Variants in SPTBN1 observed in about 807,000 individuals in gnomAD.
SPTBN1 encodes the protein spectrin beta chain, non-erythrocytic 1.
Under a neutral mutation model 266.4 loss-of-function variants are expected in SPTBN1, and 32 were observed. The ratio of observed to expected loss-of-function variants is 0.12; its 90% CI spans 0.09 to 0.16. The LOEUF is 0.16. Among genes scored for constraint, SPTBN1 ranks in the 10% least tolerant of loss-of-function variants. The pLI is 1.00. For synonymous variants in SPTBN1, 1,336 were observed against 1,162.2 expected (o/e 1.15, Z -3.04); for missense variants, 2,296 against 3,067.1 (o/e 0.75, Z 5.94).
chr2:54,529,670 A>G (rs1288946225), intron 2 of SPTBN1: 3 of 720,936 alleles, frequency 4.2e-6, no homozygotes, highest in Non-Finnish European at 7.6e-6. Flanking sequence ...CAAGCACCAG[A>G]TCAAACAGGC....
In SPTBN1 at chr2:54,669,570, A is replaced by G. The variant is rs1485668262; in HGVS notation, c.*1001A>G. On this transcript the variant is annotated 3_prime_UTR_variant, in exon 36 of 36. Coordinates refer to ENST00000356805, the MANE Select transcript of SPTBN1 (RefSeq NM_003128.3). ...TGAACTCCAGAGGCTGGGCCTGAACAGGGAGGTGGTCGCTCAGGCCTGGTG... is the reference window on the plus strand; with the variant it reads ...TGAACTCCAGAGGCTGGGCCTGAACGGGGAGGTGGTCGCTCAGGCCTGGTG... 4 of 152,654 alleles carry G rather than the reference A, an allele frequency of 2.6e-5. No homozygotes were observed. Among genetic ancestry groups the G allele is most frequent in the East Asian group, 3.8e-4 (2 of 5,204 alleles). The allele number at this position is 152,654 out of a possible 1,614,324, so 9.5% of individuals were successfully genotyped here.
At chr2:54,519,819 A>G (rs1670329634) in intron 1 of SPTBN1, among the ~76,000 whole-genome samples, 1 of 152,166 alleles carries the variant, frequency 6.6e-6, no homozygotes, top group Admixed American at 6.5e-5. Flanking sequence ...GAACTAACTC[A>G]TGAGATTTTC....
Position 54,669,603 on chromosome 2 carries a change from G to A in SPTBN1, c.*1034G>A, listed in dbSNP as rs952232803. 3.3e-5 allele frequency: 5 copies of A among 152,644 alleles called. No homozygotes were observed. Among genetic ancestry groups the A allele is most frequent in the African/African-American group, 4.8e-5 (2 of 41,446 alleles). 9.5% of individuals were successfully genotyped at this position (152,644 alleles called of 1,614,324 possible). ...GGTCGCTCAGGCCTGGTGCTCAGTC[G>A]TACGACCTGTACCTCTCAACTTTTG... On this transcript the variant is annotated 3_prime_UTR_variant, in exon 36 of 36. Coordinates refer to ENST00000356805, the MANE Select transcript of SPTBN1 (RefSeq NM_003128.3).
Position 54,628,396 on chromosome 2 carries a change from C to T in SPTBN1, c.1798+146C>T. The T allele has an allele frequency of 9.9e-7, 1 of 1,008,190 alleles. No homozygotes were observed. Among genetic ancestry groups the T allele is most frequent in the Non-Finnish European group, 1.4e-6 (1 of 731,730 alleles). The allele number at this position is 1,008,190 out of a possible 1,614,324, so 62.5% of individuals were successfully genotyped here. ...GCATGAAATACGGTGGAGTGGCCTTCTGAACACTAACTCCATCTTGTTTTT... is the reference window on the plus strand; with the variant it reads ...GCATGAAATACGGTGGAGTGGCCTTTTGAACACTAACTCCATCTTGTTTTT... On this transcript the variant is annotated intron_variant, in intron 13 of 35. Coordinates refer to ENST00000356805, the MANE Select transcript of SPTBN1 (RefSeq NM_003128.3). This position sits in a 1 kb window ranked among gnomAD's most constrained non-coding sequence, Gnocchi z 4.3.
At chr2:54,541,647 G>A (rs550335229) in intron 2 of SPTBN1, among the ~76,000 whole-genome samples, 1 of 152,258 alleles carries the variant, frequency 6.6e-6, no homozygotes, top group Admixed American at 6.5e-5. Flanking sequence ...ATTTTATGAT[G>A]GGGGATGATG....
chr2:54,484,417 C>T (rs1388267303), intron 1 of SPTBN1, among the ~76,000 whole-genome samples: 8 of 152,160 alleles, frequency 5.3e-5, no homozygotes, highest in Non-Finnish European at 1.0e-4. Flanking sequence ...TACTCATCTG[C>T]TATTTTTAAT....
chr2:54,647,233 G>T lies in SPTBN1; in HGVS notation c.4969G>T (p.Ala1657Ser). Residue 1657 changes from alanine to serine, a missense_variant, in exon 24 of 36, where the codon GCC becomes TCC. Physicochemically the swap from Ala to Ser is moderately conservative, Grantham distance 99. This residue lies in a region of SPTBN1 where 644 missense variants were observed against 745.3 expected (regional missense o/e 0.86). Coordinates refer to ENST00000356805, the MANE Select transcript of SPTBN1 (RefSeq NM_003128.3). ...TVHQLSKTSRALVADSHPESE... is the reference protein window; with the variant it reads ...TVHQLSKTSRSLVADSHPESE... ...GCATCAGCTCTCCAAGACCAGCCGG[G>T]CCCTGGTGGCCGACAGCCATCCTGA... 1.2e-6 allele frequency: 2 copies of T among 1,614,038 alleles called. No individual in the cohort carries two copies. Among genetic ancestry groups the T allele is most frequent in the Non-Finnish European group, 1.7e-6 (2 of 1,180,028 alleles).
At chr2:54,481,234 G>T (rs2103934445) in intron 1 of SPTBN1, among the ~76,000 whole-genome samples, 1 of 151,986 alleles carries the variant, frequency 6.6e-6, no homozygotes, top group African/African-American at 2.4e-5. Flanking sequence ...CTTCCCATTA[G>T]AATCTCTCTT....
At chr2:54,623,703 C>A in intron 10 of SPTBN1, 107 bp downstream of exon 10, 1 of 873,904 alleles carries the variant, frequency 1.1e-6, no homozygotes, top group Non-Finnish European at 1.8e-6. Context: ...GGGCTGTCCC[C>A]ACCTGCCGAA....
intron 2 of SPTBN1, chr2:54,557,992 G>A (rs1188166558): frequency 1.0e-6 from 1 of 985,030 alleles, no homozygotes; most frequent in African/African-American, 1.7e-5. Flanking sequence ...GCTAGAGAGT[G>A]AATGAGCCGC....
intron 17 of SPTBN1, among the ~76,000 whole-genome samples, chr2:54,633,434 T>TGTCC (rs1273222289): frequency 2.6e-5 from 2 of 75,528 alleles, no homozygotes; most frequent in Non-Finnish European, 6.1e-5. Flanking sequence ...TGCGTGTGTG[T>TGTCC]GTCTGTCTGT....
chr2:54,570,687 A>G (rs1384084999), intron 2 of SPTBN1, among the ~76,000 whole-genome samples: 2 of 152,228 alleles, frequency 1.3e-5, no homozygotes, highest in Non-Finnish European at 2.9e-5. Context: ...TTGGCGTGCC[A>G]ACAGTGGTTA....
At chr2:54,530,352 A>ATTTTTTT (rs1558810829) in intron 2 of SPTBN1, among the ~76,000 whole-genome samples, 1 of 60,698 alleles carries the variant, frequency 1.6e-5, no homozygotes, top group African/African-American at 5.7e-5. Flanking sequence ...ATTGTAAAAA[A>ATTTTTTT]CTTTTTTTTT....
chr2:54,521,628 C>A (rs1173723437), intron 1 of SPTBN1, among the ~76,000 whole-genome samples: 1 of 152,146 alleles, frequency 6.6e-6, no homozygotes, highest in African/African-American at 2.4e-5. Context: ...ATCCTCCCAC[C>A]TCAGCCTCCC....
chr2:54,458,974 TAGC>T lies in SPTBN1; in HGVS notation c.-48+2457_-48+2459del, dbSNP rs1364009929. On this transcript the variant is annotated intron_variant, in intron 1 of 35. Coordinates refer to ENST00000356805, the MANE Select transcript of SPTBN1 (RefSeq NM_003128.3). ...TGTGCGTTATTTTGAGTTTCTCTAA[TAGC>T]CATTAAAATATGAGACTTTTTGTGC... Among the ~76,000 whole-genome samples, 5 of 152,374 alleles carry T rather than the reference TAGC, an allele frequency of 3.3e-5. No individual in the cohort carries two copies. The South Asian group carries it at 1.0e-3, about 32-fold the overall frequency.
chr2:54,580,914 A>G (rs1674850811), intron 2 of SPTBN1, among the ~76,000 whole-genome samples: 7 of 152,136 alleles, frequency 4.6e-5, no homozygotes, highest in Admixed American at 3.9e-4. Flanking sequence ...CCTGGGCAAC[A>G]TGTTGAAACC....
chr2:54,626,100 G>C lies in SPTBN1; in HGVS notation c.1510G>C (p.Asp504His). ...CATCAAGCGCATCACAGCGAGGAAGGACAATGTCATCCGGCTCTGGGAATA... is the reference window on the plus strand; with the variant it reads ...CATCAAGCGCATCACAGCGAGGAAGCACAATGTCATCCGGCTCTGGGAATA... Reference protein sequence around the residue: ...HDIKRITARKDNVIRLWEYLL... With the variant: ...HDIKRITARKHNVIRLWEYLL... Residue 504 changes from aspartate to histidine, a missense_variant, in exon 12 of 36, where the codon GAC (aspartate) becomes CAC (histidine). Physicochemically the swap from Asp to His is moderately conservative, Grantham distance 81. Around this residue, in one of 12 missense-constraint regions of SPTBN1, gnomAD observed 434 missense variants for 573.9 expected, o/e 0.76. Coordinates refer to ENST00000356805, the MANE Select transcript of SPTBN1 (RefSeq NM_003128.3). This position sits in a 1 kb window ranked among gnomAD's most constrained non-coding sequence, Gnocchi z 4.7. 6.2e-7 allele frequency: 1 copy of C among 1,614,200 alleles called. No homozygotes were observed. The highest frequency in any genetic ancestry group is 8.5e-7 in the Non-Finnish European group (1 of 1,180,042).
chr2:54,522,658 A>AAGAGAGAG (rs147689465), intron 1 of SPTBN1, among the ~76,000 whole-genome samples: 5 of 81,870 alleles, frequency 6.1e-5, no homozygotes, highest in Admixed American at 2.8e-4. Flanking sequence ...GAGAGAGAGA[A>AAGAGAGAG]AGAGAGAGAG....
intron 2 of SPTBN1, among the ~76,000 whole-genome samples, chr2:54,575,775 C>T (rs997982592): frequency 2.6e-5 from 4 of 152,182 alleles, no homozygotes; most frequent in Non-Finnish European, 5.9e-5. Flanking sequence ...ATCGGGAACT[C>T]CTTTGAATCT....
Sources: gnomAD v4.1 joint callset for allele counts (sites outside exome capture counted in the v4.1 genomes callset) on GRCh38, gnomAD v4.1.1 for gene constraint, gnomAD v4.1.1 regional missense constraint, Gnocchi (gnomAD v3.1) non-coding constraint, MANE v1.5 for transcripts, NCBI Gene and HGNC (gene_info 2026-07-23, HGNC 2026-07-21) for gene names.